DEPDC5: variants seen among roughly 807,000 people sequenced by gnomAD.
The protein encoded by DEPDC5 is GATOR1 complex protein DEPDC5.
Under a neutral mutation model 217.3 loss-of-function variants are expected in DEPDC5, and 73 were observed. That is an observed-to-expected ratio of 0.34 (90% confidence interval 0.28 to 0.41). DEPDC5 has a LOEUF of 0.41. Among genes scored for constraint, DEPDC5 ranks in the 10% least tolerant of loss-of-function variants. DEPDC5 has a pLI of 1.00. For synonymous variants in DEPDC5, 733 were observed against 756.7 expected, an observed-to-expected ratio of 0.97 and a Z score of 0.51; for missense variants, 1,675 against 2,070.1, an observed-to-expected ratio of 0.81 and a Z score of 3.70.
intron 25 of DEPDC5, among the ~76,000 whole-genome samples, chr22:31,835,367 C>T (rs1456305028): frequency 6.6e-6 from 1 of 152,026 alleles, no homozygotes; most frequent in Non-Finnish European, 1.5e-5. Context: ...CTCAGAGTCC[C>T]TCTTTTCAGA....
intron 38 of DEPDC5, among the ~76,000 whole-genome samples, chr22:31,891,680 T>C (rs1297011579): frequency 1.3e-5 from 2 of 152,156 alleles, no homozygotes; most frequent in African/African-American, 4.8e-5. Flanking sequence ...AACTGTTGAA[T>C]TCATGGGGGT....
In DEPDC5 at chr22:31,892,873, ATTTT is replaced by A. The variant is rs948740613; in HGVS notation, c.4034-691_4034-688del. Among the ~76,000 whole-genome samples, 783 of 120,052 alleles carry A rather than the reference ATTTT, an allele frequency of 6.5e-3. 3 individuals are homozygous for A. The highest frequency in any genetic ancestry group is 0.01 in the East Asian group (44 of 4,196). The allele number at this position is 120,052 out of a possible 152,430, so 78.8% of individuals were successfully genotyped here. A position where few individuals can be genotyped will look rare whatever the true frequency, so the allele number is the denominator to read the frequency against. On this transcript the variant is annotated intron_variant, in intron 38 of 42. Transcript: ENST00000651528. ...TTTAGGGTTCACTCTTTGGTGGTGT[ATTTT>A]TTTTTTTTTTTTTTTTTGAGACGGA...
rs146007868 is a variant in DEPDC5, at chr22:31,788,873, G to A, written c.625-3160G>A. The stretch of plus-strand genomic sequence containing the variant: ...TTACAGACGTGAGCCTCCGCGACTG[G>A]GCCCATATTCTTTATTTTATTTATT... On this transcript the variant is annotated intron_variant, in intron 10 of 42. Transcript: ENST00000651528. Among the ~76,000 whole-genome samples, 333 of 150,822 alleles carry A rather than the reference G, an allele frequency of 2.2e-3. 2 individuals carry two copies. The highest frequency in any genetic ancestry group is 7.5e-3 in the African/African-American group (309 of 41,040).
intron 20 of DEPDC5, among the ~76,000 whole-genome samples, chr22:31,813,167 T>TG (rs2088635949): frequency 6.6e-6 from 1 of 152,210 alleles, no homozygotes; most frequent in African/African-American, 2.4e-5. Context: ...CAGTCCTACC[T>TG]GAGAAGGCTT....
At chr22:31,808,980 C>G (rs940968886) in intron 18 of DEPDC5, among the ~76,000 whole-genome samples, 1 of 151,968 alleles carries the variant, frequency 6.6e-6, no homozygotes, top group Non-Finnish European at 1.5e-5. Flanking sequence ...GTTGCTCAGG[C>G]TAGTCTCAAA....
Position 31,819,011 on chromosome 22 carries a change from A to G in DEPDC5, c.1667-11A>G. ...TTTTTCTTTGTGACTCAACTCCATGATAACTGGCAGATGTCCTGGAGAACA... is the reference window on the plus strand; with the variant it reads ...TTTTTCTTTGTGACTCAACTCCATGGTAACTGGCAGATGTCCTGGAGAACA... On this transcript the variant is annotated splice_polypyrimidine_tract_variant and intron_variant, in intron 21 of 42. Coordinates refer to ENST00000651528, the MANE Select transcript of DEPDC5 (RefSeq NM_001242896.3). 2 of 1,614,092 alleles carry G rather than the reference A, an allele frequency of 1.2e-6. No individual in the cohort carries two copies. Among genetic ancestry groups the G allele is most frequent in the Non-Finnish European group, 1.7e-6 (2 of 1,179,998 alleles).
intron 10 of DEPDC5, among the ~76,000 whole-genome samples, chr22:31,787,666 G>T (rs1339286115): frequency 1.3e-5 from 2 of 151,980 alleles, no homozygotes; most frequent in African/African-American, 4.8e-5. Flanking sequence ...AAAAAAATTA[G>T]CTGGCTGCAT....
rs547598737 is a variant in DEPDC5, at chr22:31,795,543, G to A, written c.768-2057G>A. Among the ~76,000 whole-genome samples, 6 of 151,446 alleles carry A rather than the reference G, an allele frequency of 4.0e-5. No homozygotes were observed. The South Asian group carries it at 8.3e-4, about 21-fold the overall frequency. ...TGAGTAGCTGGTGTGACAGGCACCC[G>A]CCACCATGCCTGGTTAATTTTTGTA... On this transcript the variant is annotated intron_variant, in intron 12 of 42. Transcript: ENST00000651528.
chr22:31,843,241 G>A, intron 28 of DEPDC5, 29 bp downstream of exon 28: 1 of 1,601,890 alleles, frequency 6.2e-7, no homozygotes, highest in Non-Finnish European at 8.5e-7. Context: ...AAAGTCTTCA[G>A]TTATTGTCCT....
intron 20 of DEPDC5, 134 bp from the exon 21 acceptor site, chr22:31,814,858 C>T (rs1190007377): frequency 2.3e-6 from 2 of 863,688 alleles, no homozygotes; most frequent in East Asian, 5.1e-5. Flanking sequence ...ATACAGGTTT[C>T]CCACTTGTAG....
At chr22:31,824,722 C>T (rs1446254990) in intron 24 of DEPDC5, among the ~76,000 whole-genome samples, 1 of 151,902 alleles carries the variant, frequency 6.6e-6, no homozygotes, top group East Asian at 1.9e-4. Flanking sequence ...AATCCCAGCA[C>T]GTTGGGAGAC....
intron 8 of DEPDC5, among the ~76,000 whole-genome samples, chr22:31,778,706 A>C (rs1466903232): frequency 2.0e-5 from 3 of 152,158 alleles, no homozygotes; most frequent in African/African-American, 4.8e-5. Context: ...ATACATAGCA[A>C]AAGTTAAGCC....
In DEPDC5 at chr22:31,837,136, C is replaced by G. The variant is rs756599738; in HGVS notation, c.2335C>G (p.Pro779Ala). Residue 779 changes from proline to alanine, a missense_variant, in exon 26 of 43, where the codon CCA becomes GCA. Pro to Ala is a conservative substitution (Grantham distance 27, BLOSUM62 -1). This residue lies in a region of DEPDC5 where 293 missense variants were observed against 386.1 expected (regional missense o/e 0.76). Coordinates refer to ENST00000651528, the MANE Select transcript of DEPDC5 (RefSeq NM_001242896.3). ...CACAGAGGGCTGTTATGATCTCCTT[C>G]CAGAAGCAGACATCGACAGGTCAGT... ...DYTEGCYDLL[P>A]EADIDRRDED... 1.1e-5 allele frequency: 18 copies of G among 1,614,016 alleles called. No individual in the cohort carries two copies. Among genetic ancestry groups the G allele is most frequent in the Non-Finnish European group, 1.4e-5 (17 of 1,180,020 alleles).
At chr22:31,766,908 A>G (rs2082865304) in intron 6 of DEPDC5, among the ~76,000 whole-genome samples, 1 of 152,144 alleles carries the variant, frequency 6.6e-6, no homozygotes, top group South Asian at 2.1e-4. Flanking sequence ...TGTATTTTAC[A>G]TTGGAATAGA....
chr22:31,867,141 C>T (rs534828252), intron 33 of DEPDC5, among the ~76,000 whole-genome samples: 40 of 152,266 alleles, frequency 2.6e-4, no homozygotes, highest in Admixed American at 1.0e-3. Flanking sequence ...CAGGAATCTA[C>T]GTGCGACATC....
At chr22:31,817,922 AT>A (rs760072027) in intron 21 of DEPDC5, among the ~76,000 whole-genome samples, 8 of 152,220 alleles carry the variant, frequency 5.3e-5, no homozygotes, top group Non-Finnish European at 1.0e-4. Context: ...TTTCACAGAA[AT>A]CTGAACATTC....
intron 31 of DEPDC5, chr22:31,853,553 A>G (rs2092139657): frequency 1.3e-5 from 2 of 152,222 alleles, no homozygotes. Flanking sequence ...GCAAAACAAC[A>G]TACAGCAGAC....
chr22:31,848,138 G>C (rs1167623451), intron 31 of DEPDC5, among the ~76,000 whole-genome samples: 1 of 152,212 alleles, frequency 6.6e-6, no homozygotes, highest in East Asian at 1.9e-4. Context: ...CAGGCCCTTG[G>C]GTAGCTCCAG....
chr22:31,865,595 A>C (rs911056105), intron 33 of DEPDC5, among the ~76,000 whole-genome samples: 7 of 152,204 alleles, frequency 4.6e-5, no homozygotes, highest in Non-Finnish European at 8.8e-5. Flanking sequence ...CTCTGTGACA[A>C]AATTCATATC....
Sources: gnomAD v4.1 joint callset for allele counts (sites outside exome capture counted in the v4.1 genomes callset) on GRCh38, gnomAD v4.1.1 for gene constraint, gnomAD v4.1.1 regional missense constraint, MANE v1.5 for transcripts, NCBI Gene and HGNC (gene_info 2026-07-23, HGNC 2026-07-21) for gene names.